The following STXBP4 variants were observed in gnomAD, a reference collection of about 807,000 sequenced individuals.
STXBP4 encodes syntaxin binding protein 4, also known as syntaxin-binding protein 4.
A neutral mutation model predicts 76.1 loss-of-function variants in STXBP4; 55 were observed. The observed-to-expected ratio is 0.72, with a 90% CI of 0.58 to 0.91. The LOEUF is 0.91. STXBP4 is among the 40% of genes least tolerant of loss of function. STXBP4 has a pLI of 0.00. For synonymous variants in STXBP4, 201 were observed against 220.2 expected (o/e 0.91, Z 0.77); for missense variants, 618 against 636.9 (o/e 0.97, Z 0.32).
At chr17:55,206,209 T>C in the STXBP4 span, among the ~76,000 whole-genome samples, 1 of 152,152 alleles carries the variant, frequency 6.6e-6, no homozygotes, top group African/African-American at 2.4e-5. Context: ...TGTGTATGTG[T>C]CTGTGTATGT....
In STXBP4 at chr17:55,081,266, A is replaced by G. The variant is rs555917012; in HGVS notation, c.1489+83A>G. 69 of 1,173,106 alleles carry G rather than the reference A, an allele frequency of 5.9e-5. No individual in the cohort carries two copies. In the African/African-American group the frequency reaches 1.1e-3, roughly 18 times the overall value. The allele number at this position is 1,173,106 out of a possible 1,614,324, so 72.7% of individuals were successfully genotyped here. On this transcript the variant is annotated intron_variant, in intron 16 of 17. Transcript: ENST00000376352. Reference sequence around the variant, plus strand: ...AAGTCAGACAGTTGAATTTCGTTATAGTGGCTTGCCTACAGCAAAGTTGAT... The same window carrying G: ...AAGTCAGACAGTTGAATTTCGTTATGGTGGCTTGCCTACAGCAAAGTTGAT...
intron 8 of STXBP4, among the ~76,000 whole-genome samples, chr17:55,018,754 GA>G (rs1254941863): frequency 1.2e-4 from 18 of 152,072 alleles, no homozygotes; most frequent in Non-Finnish European, 1.5e-5. Context: ...AGGATGGGGA[GA>G]ATTACAAAGA....
At chr17:54,984,688 C>G (rs1430616509) in intron 1 of STXBP4, among the ~76,000 whole-genome samples, 1 of 152,094 alleles carries the variant, frequency 6.6e-6, no homozygotes, top group African/African-American at 2.4e-5. Flanking sequence ...GCACCTGTTT[C>G]CTAGGCCAGA....
chr17:55,147,504 G>A (rs1192939320), intron 17 of STXBP4, among the ~76,000 whole-genome samples: 2 of 152,132 alleles, frequency 1.3e-5, no homozygotes, highest in East Asian at 3.9e-4. Flanking sequence ...TATACTGTTG[G>A]TGATTTTTCA....
At chr17:55,039,947 A>G (rs2078669873) in intron 10 of STXBP4, among the ~76,000 whole-genome samples, 1 of 152,088 alleles carries the variant, frequency 6.6e-6, no homozygotes, top group African/African-American at 2.4e-5. Flanking sequence ...GGAATTTGGG[A>G]ATATTTTGGA....
the STXBP4 span, among the ~76,000 whole-genome samples, chr17:55,188,989 A>G: frequency 6.6e-6 from 1 of 151,724 alleles, no homozygotes; most frequent in African/African-American, 2.4e-5. Flanking sequence ...CTCCTCATCT[A>G]CCCAGTCTCC....
chr17:55,145,642 A>G (rs555289014), intron 17 of STXBP4, among the ~76,000 whole-genome samples: 3 of 152,184 alleles, frequency 2.0e-5, no homozygotes, highest in Non-Finnish European at 2.9e-5. Context: ...AAAGCATTTT[A>G]CCTAGGATGA....
At chr17:55,073,399 A>G (rs965841805) in intron 13 of STXBP4, among the ~76,000 whole-genome samples, 1 of 152,042 alleles carries the variant, frequency 6.6e-6, no homozygotes, top group African/African-American at 2.4e-5. Flanking sequence ...TAAACCTGCT[A>G]ATTTGTTTTA....
the STXBP4 span, among the ~76,000 whole-genome samples, chr17:55,185,281 CCTTCTCCTTCTCCTTCTCCTTCTCCTT>C: frequency 3.5e-5 from 3 of 85,294 alleles, no homozygotes; most frequent in Admixed American, 1.2e-4. Context: ...TTCTCCTTCT[CCTTCTCCTTCTCCTTCTCCTTCTCCTT>C]CTCCTTCTCC....
In STXBP4 at chr17:55,074,549, A is replaced by G. The variant is rs376983075; in HGVS notation, c.1188+1473A>G. ...ATGGTTACTTTTGAAGTGAAAAATC[A>G]AGAGTGTTTAATATTTTATTTTTAA... On this transcript the variant is annotated intron_variant, in intron 13 of 17. Coordinates refer to ENST00000376352, the MANE Select transcript of STXBP4 (RefSeq NM_178509.6). Among the ~76,000 whole-genome samples, 14 of 152,290 alleles carry G rather than the reference A, an allele frequency of 9.2e-5. No individual in the cohort carries two copies. The East Asian group carries it at 2.3e-3, about 25-fold the overall frequency.
rs185194758 is a variant in STXBP4 at position 55,156,417 on chromosome 17, T to C, written c.1548-3380T>C. 2.9e-3 allele frequency among the ~76,000 whole-genome samples: 440 copies of C among 152,290 alleles called. 5 individuals carry two copies. Among genetic ancestry groups the C allele is most frequent in the African/African-American group, 0.01 (419 of 41,576 alleles). ...CCACAGTGCTCACTAGGACATAAAATTGAATGGTATACACACAAATGGCCC... is the reference window on the plus strand; with the variant it reads ...CCACAGTGCTCACTAGGACATAAAACTGAATGGTATACACACAAATGGCCC... On this transcript the variant is annotated intron_variant, in intron 17 of 17. Transcript: ENST00000376352.
In STXBP4 at chr17:55,004,758, G is replaced by C. The variant is rs911245990; in HGVS notation, c.575-2748G>C. Reference sequence around the variant, plus strand: ...AGGAGGAGGAGGCGGGGAGGAGGAGGAGAAGGAGACGGAGGGAGAAGGAGA... The same window carrying C: ...AGGAGGAGGAGGCGGGGAGGAGGAGCAGAAGGAGACGGAGGGAGAAGGAGA... On this transcript the variant is annotated intron_variant, in intron 7 of 17. Coordinates refer to ENST00000376352, the MANE Select transcript of STXBP4 (RefSeq NM_178509.6). 4.6e-5 allele frequency among the ~76,000 whole-genome samples: 7 copies of C among 151,794 alleles called. 1 individual carries two copies. Among genetic ancestry groups the C allele is most frequent in the South Asian group, 2.1e-4 (1 of 4,796 alleles).
intron 16 of STXBP4, among the ~76,000 whole-genome samples, chr17:55,127,699 T>C (rs2079928371): frequency 6.6e-6 from 1 of 152,218 alleles, no homozygotes. Flanking sequence ...TTGTTTTTCT[T>C]TAAATCTTTT....
chr17:55,121,830 A>G lies in STXBP4; in HGVS notation c.1490-19480A>G, dbSNP rs115717596. Among the ~76,000 whole-genome samples the G allele has an allele frequency of 7.1e-3, 1,074 of 152,002 alleles. 15 individuals carry two copies. Among genetic ancestry groups the G allele is most frequent in the African/African-American group, 0.025 (1,016 of 41,452 alleles). On this transcript the variant is annotated intron_variant, in intron 16 of 17. Transcript: ENST00000376352. Reference sequence around the variant, plus strand: ...ATGGATAAGGACAGATGGAGCTGGGACCACCTCTTGTTCTTTCCTGCCTTC... The same window carrying G: ...ATGGATAAGGACAGATGGAGCTGGGGCCACCTCTTGTTCTTTCCTGCCTTC...
chr17:54,994,132 C>T (rs2077761147), intron 4 of STXBP4, among the ~76,000 whole-genome samples: 1 of 152,174 alleles, frequency 6.6e-6, no homozygotes, highest in African/African-American at 2.4e-5. Flanking sequence ...TAGAGGCACC[C>T]TATAAATTGA....
At chr17:55,102,573 G>A (rs1264142819) in intron 16 of STXBP4, among the ~76,000 whole-genome samples, 1 of 152,146 alleles carries the variant, frequency 6.6e-6, no homozygotes, top group Non-Finnish European at 1.5e-5. Flanking sequence ...TGTGAACAGT[G>A]CTGCAGTAAA....
At chr17:55,207,636 A>G in the STXBP4 span, among the ~76,000 whole-genome samples, 2 of 152,158 alleles carry the variant, frequency 1.3e-5, no homozygotes, top group East Asian at 3.9e-4. Context: ...GTTTTAGAAA[A>G]TCCTATGGGG....
At chr17:55,137,271 T>TG in intron 16 of STXBP4, among the ~76,000 whole-genome samples, 1 of 146,454 alleles carries the variant, frequency 6.8e-6, no homozygotes, top group Admixed American at 6.9e-5. Flanking sequence ...CACACCTCCA[T>TG]GTTCCCTCCC....
chr17:55,174,980 C>T (rs996553103), downstream of STXBP4, among the ~76,000 whole-genome samples: 8 of 151,892 alleles, frequency 5.3e-5, no homozygotes, highest in African/African-American at 1.9e-4. Flanking sequence ...GCCAAGATAG[C>T]GCCACTGCAC....
Sources: allele counts gnomAD v4.1 joint callset (sites outside exome capture counted in the v4.1 genomes callset), GRCh38; gene constraint gnomAD v4.1.1; transcripts MANE v1.5; gene names NCBI Gene and HGNC (gene_info 2026-07-23, HGNC 2026-07-21).